The following DAPP1 variants were observed in gnomAD, a reference collection of about 807,000 sequenced individuals.
The protein encoded by DAPP1 is dual adaptor of phosphotyrosine and 3-phosphoinositides 1, also known as dual adapter for phosphotyrosine and 3-phosphotyrosine and 3-phosphoinositide.
DAPP1 carries 20 observed loss-of-function variants against 41.5 expected under a neutral mutation model. The ratio of observed to expected loss-of-function variants is 0.48; its 90% CI spans 0.34 to 0.70. The LOEUF (loss-of-function observed/expected upper bound fraction) is 0.70. Ranked by LOEUF, DAPP1 falls within the 30% of genes least tolerant of loss-of-function variation. The pLI is 0.01. For synonymous variants in DAPP1, 113 were observed against 116.2 expected (o/e 0.97, Z 0.18); for missense variants, 233 against 333.4 (o/e 0.70, Z 2.35).
At chr4:99,829,886 T>C (rs1244589839) in intron 1 of DAPP1, among the ~76,000 whole-genome samples, 1 of 152,208 alleles carries the variant, frequency 6.6e-6, no homozygotes, top group East Asian at 1.9e-4. Context: ...ACAAATACGT[T>C]ATTTTCTCTG....
chr4:99,832,754 A>C (rs1723169424), intron 1 of DAPP1, among the ~76,000 whole-genome samples: 1 of 152,268 alleles, frequency 6.6e-6, no homozygotes, highest in Non-Finnish European at 1.5e-5. Context: ...CTATAATTAG[A>C]CGTCAAAAGA....
In DAPP1 at chr4:99,851,075, G is replaced by A. The variant is rs1006449263; in HGVS notation, c.359-2143G>A. Among the ~76,000 whole-genome samples the A allele has an allele frequency of 2.0e-5, 3 of 152,206 alleles. No individual in the cohort carries two copies. The East Asian group carries it at 5.8e-4, about 29-fold the overall frequency. On this transcript the variant is annotated intron_variant, in intron 3 of 8. Transcript: ENST00000512369. ...GAGTGTTTCTTAGGGTTGGGAGCCA[G>A]CGCTGAATTTACCATGCATCTACAA...
intron 2 of DAPP1, among the ~76,000 whole-genome samples, chr4:99,838,059 G>A (rs531271838): frequency 8.0e-4 from 122 of 152,192 alleles, no homozygotes; most frequent in Non-Finnish European, 1.5e-3. Flanking sequence ...AATGAGCTTC[G>A]CTAGCTCACC....
intron 4 of DAPP1, among the ~76,000 whole-genome samples, chr4:99,854,455 T>G (rs1317615441): frequency 2.0e-5 from 3 of 152,236 alleles, no homozygotes; most frequent in Non-Finnish European, 1.5e-5. Flanking sequence ...TTAAAATAAG[T>G]GTAACTTTCT....
intron 2 of DAPP1, among the ~76,000 whole-genome samples, chr4:99,837,964 C>T (rs1375720578): frequency 2.0e-5 from 3 of 152,056 alleles, no homozygotes; most frequent in Admixed American, 6.6e-5. Flanking sequence ...GGTTTGCACT[C>T]CTATGAGAAT....
downstream of DAPP1, among the ~76,000 whole-genome samples, chr4:99,870,912 G>T (rs1724614562): frequency 6.6e-6 from 1 of 152,028 alleles, no homozygotes; most frequent in African/African-American, 2.4e-5. Flanking sequence ...GGTCTATTGG[G>T]GTATTAAATG....
chr4:99,842,874 C>T (rs1409875446), intron 3 of DAPP1, among the ~76,000 whole-genome samples: 5 of 140,468 alleles, frequency 3.6e-5, no homozygotes, highest in African/African-American at 1.4e-4. Context: ...TTTTTTGAGA[C>T]GGAGTCTCGC....
intron 1 of DAPP1, among the ~76,000 whole-genome samples, chr4:99,833,845 T>A (rs1330083362): frequency 6.6e-6 from 1 of 152,220 alleles, no homozygotes; most frequent in African/African-American, 2.4e-5. Context: ...TCTCAATGGC[T>A]TCCTGGTAGC....
chr4:99,838,063 G>C (rs1046538419), intron 2 of DAPP1, among the ~76,000 whole-genome samples: 6 of 152,140 alleles, frequency 3.9e-5, no homozygotes, highest in Non-Finnish European at 8.8e-5. Flanking sequence ...AGCTTCGCTA[G>C]CTCACCCATC....
chr4:99,825,946 G>C (rs887778425), intron 1 of DAPP1, among the ~76,000 whole-genome samples: 1 of 152,150 alleles, frequency 6.6e-6, no homozygotes, highest in Non-Finnish European at 1.5e-5. Context: ...CTAAACCCAT[G>C]ATTTCTAATG....
intron 4 of DAPP1, among the ~76,000 whole-genome samples, chr4:99,859,927 G>A (rs1371369199): frequency 6.6e-6 from 1 of 152,130 alleles, no homozygotes; most frequent in Non-Finnish European, 1.5e-5. Flanking sequence ...CCACCACCCT[G>A]TACTAAGGTG....
chr4:99,831,681 T>A (rs747452261), intron 1 of DAPP1, among the ~76,000 whole-genome samples: 8 of 152,226 alleles, frequency 5.3e-5, no homozygotes, highest in Non-Finnish European at 1.2e-4. Context: ...TTACACCCTA[T>A]GTGCTAAATT....
intron 8 of DAPP1, chr4:99,866,585 C>T (rs776174467): frequency 1.3e-6 from 1 of 766,296 alleles, no homozygotes; most frequent in South Asian, 1.3e-5. Context: ...TTTATTTTGT[C>T]TGCTCTCTGT....
chr4:99,855,366 A>C (rs1724009455), intron 4 of DAPP1, among the ~76,000 whole-genome samples: 1 of 152,240 alleles, frequency 6.6e-6, no homozygotes, highest in Non-Finnish European at 1.5e-5. Context: ...ATCGGCAATA[A>C]AATGCAGATA....
At chr4:99,861,975 G>A (rs1052051636) in intron 5 of DAPP1, among the ~76,000 whole-genome samples, 2 of 152,150 alleles carry the variant, frequency 1.3e-5, no homozygotes, top group Non-Finnish European at 2.9e-5. Flanking sequence ...TGTATAAAAT[G>A]TTTCTTTAAG....
rs929590160 is a variant in DAPP1, at chr4:99,819,351, C to G, written c.101+2337C>G. 2.6e-5 allele frequency among the ~76,000 whole-genome samples: 4 copies of G among 152,258 alleles called. No homozygotes were observed. In the South Asian group the frequency reaches 6.2e-4, roughly 24 times the overall value. ...TGATTTCAAGAATTTGCCTAATTCCCTGGTATAAATACTCCCACTATAGAC... is the reference window on the plus strand; with the variant it reads ...TGATTTCAAGAATTTGCCTAATTCCGTGGTATAAATACTCCCACTATAGAC... On this transcript the variant is annotated intron_variant, in intron 1 of 8. Transcript: ENST00000512369.
At chr4:99,840,964 A>C (rs1723475168) in intron 3 of DAPP1, among the ~76,000 whole-genome samples, 1 of 152,222 alleles carries the variant, frequency 6.6e-6, no homozygotes, top group Non-Finnish European at 1.5e-5. Context: ...ACCAGAAAAA[A>C]ATTCATGTGT....
At chr4:99,818,981 C>G (rs1466594086) in intron 1 of DAPP1, among the ~76,000 whole-genome samples, 1 of 152,116 alleles carries the variant, frequency 6.6e-6, no homozygotes, top group South Asian at 2.1e-4. Context: ...ATGTATCTAC[C>G]AAATGCATTA....
chr4:99,856,676 G>A (rs989061705), intron 4 of DAPP1, among the ~76,000 whole-genome samples: 1 of 152,180 alleles, frequency 6.6e-6, no homozygotes, highest in Non-Finnish European at 1.5e-5. Context: ...TACTCTGCTT[G>A]CAAGCTAACA....
Sources: allele counts gnomAD v4.1 joint callset (sites outside exome capture counted in the v4.1 genomes callset), GRCh38; gene constraint gnomAD v4.1.1; transcripts MANE v1.5; gene names NCBI Gene and HGNC (gene_info 2026-07-23, HGNC 2026-07-21).